The following TCF4 variants were observed in gnomAD, a reference collection of about 807,000 sequenced individuals.
TCF4 encodes the protein transcription factor 4, also known as SL3-3 enhancer factor 2.
TCF4 carries 3 observed loss-of-function variants against 82.1 expected under a neutral mutation model. The observed-to-expected ratio is 0.04, with a 90% CI of 0.02 to 0.09. The LOEUF (loss-of-function observed/expected upper bound fraction) is 0.09, where lower values mean the gene tolerates loss of function less well. Among genes scored for constraint, TCF4 ranks in the 10% least tolerant of loss-of-function variants. The pLI, the probability that TCF4 is intolerant of heterozygous loss-of-function variation, is 1.00. For synonymous variants in TCF4, 276 were observed against 309.6 expected, an observed-to-expected ratio of 0.89 and a Z score of 1.14; for missense variants, 518 against 852.7, an observed-to-expected ratio of 0.61 and a Z score of 4.89.
intron 8 of TCF4, among the ~76,000 whole-genome samples, chr18:55,331,898 C>T (rs1319485896): frequency 1.3e-5 from 2 of 152,094 alleles, no homozygotes; most frequent in African/African-American, 2.4e-5. Context: ...AAGAAGGGGG[C>T]GTGAGGGATC....
intron 2 of TCF4, chr18:55,586,384 G>T: frequency 1.8e-6 from 1 of 550,064 alleles, no homozygotes. Context: ...TTAGGAAAAG[G>T]AAGCAAAGGG....
chr18:55,468,881 GC>G (rs5825142), intron 3 of TCF4, among the ~76,000 whole-genome samples: 55,260 of 105,716 alleles, frequency 0.52, 12,313 homozygotes, highest in Middle Eastern at 0.57. Flanking sequence ...TTTAGTTCTC[GC>G]CCCCCCCCCC....
At chr18:55,589,551 ACTTTTT>A (rs1451860442), upstream of TCF4, 8 of 1,045,606 alleles carry the variant, frequency 7.7e-6, no homozygotes, top group African/African-American at 1.3e-4. Context: ...AAATCCAACA[ACTTTTT>A]CTTATTGTTT....
chr18:55,352,815 T>C (rs1464761674), intron 6 of TCF4, among the ~76,000 whole-genome samples: 1 of 152,196 alleles, frequency 6.6e-6, no homozygotes, highest in Non-Finnish European at 1.5e-5. Context: ...ACTCTTCGCA[T>C]TTCTTATTAA....
intron 2 of TCF4, among the ~76,000 whole-genome samples, chr18:55,617,631 TATACA>T (rs1251166286): frequency 5.3e-5 from 8 of 152,274 alleles, no homozygotes; most frequent in African/African-American, 1.9e-4. Context: ...TAGTTTTCAG[TATACA>T]AGTCTGTCAC....
chr18:55,408,649 C>A (rs553743320), intron 5 of TCF4, among the ~76,000 whole-genome samples: 7 of 152,252 alleles, frequency 4.6e-5, no homozygotes, highest in African/African-American at 1.7e-4. Context: ...CTGCACAACC[C>A]CATAAGGCAG....
intron 2 of TCF4, among the ~76,000 whole-genome samples, chr18:55,607,166 C>G (rs971215223): frequency 6.6e-6 from 1 of 152,158 alleles, no homozygotes; most frequent in South Asian, 2.1e-4. Flanking sequence ...TTTTCTCTTA[C>G]GCTTTTCTAA....
At chr18:55,277,785 C>G (rs1672254674) in intron 9 of TCF4, among the ~76,000 whole-genome samples, 1 of 152,114 alleles carries the variant, frequency 6.6e-6, no homozygotes, top group Non-Finnish European at 1.5e-5. Flanking sequence ...ATCCTTCCGT[C>G]AATGTTTTCA....
intron 3 of TCF4, among the ~76,000 whole-genome samples, chr18:55,552,374 C>T (rs2097267669): frequency 6.6e-6 from 1 of 152,098 alleles, no homozygotes; most frequent in Non-Finnish European, 1.5e-5. Context: ...AAAGATGTTA[C>T]ACTCATCTTT....
intron 3 of TCF4, among the ~76,000 whole-genome samples, chr18:55,501,349 T>C (rs1258410706): frequency 6.6e-6 from 1 of 152,184 alleles, no homozygotes; most frequent in Non-Finnish European, 1.5e-5. Flanking sequence ...ACAACCAACC[T>C]TAAGGCCATA....
At chr18:55,322,670 G>C (rs115507205) in intron 8 of TCF4, among the ~76,000 whole-genome samples, 1,877 of 152,310 alleles carry the variant, frequency 0.012, 48 homozygotes, top group African/African-American at 0.041. Flanking sequence ...CAGAGCCTAC[G>C]GAGGGGCTGG....
chr18:55,434,672 C>A (rs927959334), intron 5 of TCF4, among the ~76,000 whole-genome samples: 3 of 151,486 alleles, frequency 2.0e-5, no homozygotes, highest in African/African-American at 7.3e-5. Context: ...CATGATCTGC[C>A]CGCCTTGGCC....
chr18:55,366,020 A>C (rs563224432), intron 6 of TCF4, among the ~76,000 whole-genome samples: 1 of 123,566 alleles, frequency 8.1e-6, no homozygotes, highest in South Asian at 2.4e-4. Flanking sequence ...ATAGATATAG[A>C]TATAGATATA....
intron 3 of TCF4, chr18:55,551,795 T>C (rs2147149724): frequency 6.6e-6 from 1 of 152,342 alleles, no homozygotes; most frequent in South Asian, 2.1e-4. Context: ...ATAGGACTTT[T>C]TTTTTCCTCC....
At chr18:55,440,543 T>C (rs2095419808) in intron 5 of TCF4, among the ~76,000 whole-genome samples, 1 of 152,224 alleles carries the variant, frequency 6.6e-6, no homozygotes, top group Non-Finnish European at 1.5e-5. Context: ...GTCTCCATCG[T>C]CCGTCAATAC....
intron 6 of TCF4, among the ~76,000 whole-genome samples, chr18:55,360,711 T>C (rs936388471): frequency 1.6e-5 from 2 of 124,222 alleles, no homozygotes; most frequent in Non-Finnish European, 3.3e-5. Context: ...CCTTAAGCCA[T>C]AATTTGCCCG....
intron 8 of TCF4, among the ~76,000 whole-genome samples, chr18:55,298,151 C>T (rs541279646): frequency 6.6e-6 from 1 of 152,136 alleles, no homozygotes; most frequent in Admixed American, 6.5e-5. Context: ...CTATCTCATG[C>T]CTCTGAAGTG....
intron 3 of TCF4, among the ~76,000 whole-genome samples, chr18:55,510,334 A>C (rs2096812463): frequency 1.3e-5 from 2 of 152,200 alleles, no homozygotes; most frequent in African/African-American, 4.8e-5. Context: ...GATAGCAAAA[A>C]AAAGTTAGAG....
intron 5 of TCF4, among the ~76,000 whole-genome samples, chr18:55,451,104 G>T (rs2095614160): frequency 6.6e-6 from 1 of 152,288 alleles, no homozygotes; most frequent in Non-Finnish European, 1.5e-5. Flanking sequence ...TTACAGAAGT[G>T]AACATTCTAT....
Sources: allele counts gnomAD v4.1 joint callset (sites outside exome capture counted in the v4.1 genomes callset), GRCh38; gene constraint gnomAD v4.1.1; transcripts MANE v1.5; gene names NCBI Gene and HGNC (gene_info 2026-07-23, HGNC 2026-07-21).